OSBPL1A: variants seen among roughly 807,000 people sequenced by gnomAD.
The protein encoded by OSBPL1A is oxysterol binding protein like 1A, also known as oxysterol-binding protein-related protein 1.
OSBPL1A carries 80 observed loss-of-function variants against 137.1 expected under a neutral mutation model. That is an observed-to-expected ratio of 0.58 (90% CI 0.49 to 0.70). OSBPL1A has a LOEUF of 0.70. OSBPL1A is among the 30% of genes least tolerant of loss of function. The pLI is 0.00. For missense variants in OSBPL1A, 970 were observed against 1,129.4 expected (o/e 0.86, Z 2.02); for synonymous variants, 365 against 389.7 (o/e 0.94, Z 0.75).
rs549057619 is a variant in OSBPL1A, at chr18:24,200,524, T to C, written c.1602-4324A>G. Among the ~76,000 whole-genome samples, 555 of 145,598 alleles carry C rather than the reference T, an allele frequency of 3.8e-3. 6 individuals are homozygous for C. The highest frequency in any genetic ancestry group is 0.014 in the African/African-American group (533 of 38,798). ...TTGCAGTGAGCTGAGATTGCGTCAC[T>C]GCACTCCAGCCTGGGTGACAGAGTG... is the stretch of plus-strand genomic sequence containing the variant. On this transcript the variant is annotated intron_variant, in intron 17 of 27. Transcript: ENST00000319481.
chr18:24,164,618 C>T (rs371824654), intron 27 of OSBPL1A, among the ~76,000 whole-genome samples: 19 of 151,902 alleles, frequency 1.3e-4, no homozygotes, highest in East Asian at 7.8e-4. Flanking sequence ...TTAGTAGAGA[C>T]GGGGTTTCAC....
intron 15 of OSBPL1A, among the ~76,000 whole-genome samples, chr18:24,265,006 GGTCTTATATAC>G (rs1188657646): frequency 9.2e-5 from 14 of 152,042 alleles, no homozygotes; most frequent in African/African-American, 3.4e-4. Context: ...TACTTTCATC[GGTCTTATATAC>G]TGGCATCCAC....
chr18:24,351,074 A>C (rs2091429584), intron 4 of OSBPL1A, among the ~76,000 whole-genome samples: 1 of 152,112 alleles, frequency 6.6e-6, no homozygotes, highest in South Asian at 2.1e-4. Context: ...CAGGCTGGGC[A>C]CGGTGGCTCA....
intron 14 of OSBPL1A, among the ~76,000 whole-genome samples, chr18:24,303,220 C>T (rs8084376): frequency 1.4e-4 from 22 of 152,110 alleles, no homozygotes; most frequent in South Asian, 4.2e-4. Flanking sequence ...AGGCCAGTCT[C>T]GAACTCCTGA....
intron 16 of OSBPL1A, among the ~76,000 whole-genome samples, chr18:24,233,784 G>C (rs1157576713): frequency 6.6e-6 from 1 of 152,106 alleles, no homozygotes; most frequent in African/African-American, 2.4e-5. Flanking sequence ...AAGTAGCTGG[G>C]ATTACAAGCA....
intron 1 of OSBPL1A, among the ~76,000 whole-genome samples, chr18:24,384,061 T>C (rs1235850670): frequency 6.6e-6 from 1 of 152,128 alleles, no homozygotes; most frequent in South Asian, 2.1e-4. Flanking sequence ...CTGCCAACAT[T>C]AGTGATTAGA....
rs573764423 is a variant in OSBPL1A at position 24,200,178 on chromosome 18, C to G, written c.1602-3978G>C. On this transcript the variant is annotated intron_variant, in intron 17 of 27. Coordinates refer to ENST00000319481, the MANE Select transcript of OSBPL1A (RefSeq NM_080597.4). Reference sequence around the variant, plus strand: ...TTTAGAGCATATCTCAATTAAGCTACTAAACAGTTAACATGAAATCTAGTC... The same window carrying G: ...TTTAGAGCATATCTCAATTAAGCTAGTAAACAGTTAACATGAAATCTAGTC... Among the ~76,000 whole-genome samples, 1,158 of 152,278 alleles carry G rather than the reference C, an allele frequency of 7.6e-3. 10 individuals carry two copies. The highest frequency in any genetic ancestry group is 0.027 in the African/African-American group (1,118 of 41,536).
intron 27 of OSBPL1A, among the ~76,000 whole-genome samples, chr18:24,164,619 G>A (rs1021147053): frequency 1.3e-5 from 2 of 151,570 alleles, no homozygotes; most frequent in East Asian, 1.9e-4. Context: ...TAGTAGAGAC[G>A]GGGTTTCACC....
chr18:24,369,340 CAA>C (rs2146196530), intron 2 of OSBPL1A, among the ~76,000 whole-genome samples: 1 of 152,148 alleles, frequency 6.6e-6, no homozygotes, highest in African/African-American at 2.4e-5. Context: ...TTCAATTTAG[CAA>C]AAAAGATATT....
intron 4 of OSBPL1A, among the ~76,000 whole-genome samples, chr18:24,360,204 C>A (rs1169225008): frequency 6.6e-6 from 1 of 152,220 alleles, no homozygotes; most frequent in Non-Finnish European, 1.5e-5. Context: ...GTCCTGACCT[C>A]AGGTGATCCA....
At chr18:24,332,264 C>A (rs1021092894) in intron 7 of OSBPL1A, among the ~76,000 whole-genome samples, 5 of 151,412 alleles carry the variant, frequency 3.3e-5, no homozygotes, top group Non-Finnish European at 5.9e-5. Context: ...TGCATGCCTG[C>A]AGTTCCAGCT....
intron 5 of OSBPL1A, among the ~76,000 whole-genome samples, chr18:24,335,606 C>T (rs905035176): frequency 3.9e-5 from 6 of 152,126 alleles, no homozygotes; most frequent in African/African-American, 1.4e-4. Flanking sequence ...ACTAAATATA[C>T]GTCTACAATG....
intron 17 of OSBPL1A, among the ~76,000 whole-genome samples, chr18:24,216,534 T>C (rs116705739): frequency 0.011 from 1,636 of 152,218 alleles, 34 homozygotes; most frequent in African/African-American, 0.037. Flanking sequence ...AGGAAAACCA[T>C]GTTCATAGAT....
In OSBPL1A at chr18:24,239,925, C is replaced by CTTTTT. The variant is rs10699940; in HGVS notation, c.1282-548_1282-544dup. Among the ~76,000 whole-genome samples, 39 of 125,598 alleles carry CTTTTT rather than the reference C, an allele frequency of 3.1e-4. No individual in the cohort carries two copies. In the East Asian group the frequency reaches 8.3e-3, roughly 27 times the overall value. The allele number at this position is 125,598 out of a possible 152,430, so 82.4% of individuals were successfully genotyped here. On this transcript the variant is annotated intron_variant, in intron 15 of 27. Transcript: ENST00000319481. ...CAAACATTCTATTTTTCATTTTTCTCTTTTTTTTTTTTTTTTTTGAGATGG... is the reference window on the plus strand; with the variant it reads ...CAAACATTCTATTTTTCATTTTTCTCTTTTTTTTTTTTTTTTTTTTTTTGAGATGG...
At chr18:24,337,390 A>G (rs956162962) in intron 5 of OSBPL1A, among the ~76,000 whole-genome samples, 3 of 151,122 alleles carry the variant, frequency 2.0e-5, no homozygotes, top group Non-Finnish European at 4.4e-5. Flanking sequence ...ATAACATAAC[A>G]TAACATAACA....
intron 15 of OSBPL1A, among the ~76,000 whole-genome samples, chr18:24,259,385 C>T (rs145452980): frequency 2.5e-3 from 386 of 152,258 alleles, no homozygotes; most frequent in African/African-American, 9.0e-3. Flanking sequence ...TAGTAAGCCC[C>T]AAGTTTTACC....
intron 16 of OSBPL1A, among the ~76,000 whole-genome samples, chr18:24,234,357 G>T (rs117020791): frequency 2.0e-5 from 3 of 152,110 alleles, no homozygotes; most frequent in African/African-American, 7.2e-5. Context: ...ACCCACACAC[G>T]CAATGAGGAC....
At chr18:24,255,881 A>G (rs186945379) in intron 15 of OSBPL1A, among the ~76,000 whole-genome samples, 32 of 151,808 alleles carry the variant, frequency 2.1e-4, no homozygotes, top group African/African-American at 6.0e-4. Flanking sequence ...CAACTCCCCA[A>G]GTAGTTGGGT....
intron 4 of OSBPL1A, among the ~76,000 whole-genome samples, chr18:24,347,112 A>C (rs955769497): frequency 3.3e-5 from 5 of 152,176 alleles, no homozygotes; most frequent in African/African-American, 1.2e-4. Flanking sequence ...TTTGAAAGAT[A>C]TACTTTTTCT....
Sources: allele counts gnomAD v4.1 joint callset (sites outside exome capture counted in the v4.1 genomes callset), GRCh38; gene constraint gnomAD v4.1.1; transcripts MANE v1.5; gene names NCBI Gene and HGNC (gene_info 2026-07-23, HGNC 2026-07-21).